Variants in SBNO1 observed in about 807,000 individuals in gnomAD.
The protein encoded by SBNO1 is protein strawberry notch homolog 1.
SBNO1 carries 23 observed loss-of-function variants against 173.6 expected under a neutral mutation model. That is an observed-to-expected ratio of 0.13 (90% confidence interval 0.10 to 0.19). The LOEUF (loss-of-function observed/expected upper bound fraction) is 0.19, where lower values mean the gene tolerates loss of function less well. Among genes scored for constraint, SBNO1 ranks in the 10% least tolerant of loss-of-function variants. The probability of loss-of-function intolerance (pLI) is 1.00; values close to 1 mark genes in which losing one functional copy is unlikely to be tolerated. For missense variants in SBNO1, 1,238 were observed against 1,671.2 expected (o/e 0.74, Z 4.52); for synonymous variants, 632 against 571.5 (o/e 1.11, Z -1.51).
chr12:123,331,464 T>TTGATGC, intron 7 of SBNO1, 89 bp from the exon 8 acceptor site: 1 of 1,238,212 alleles, frequency 8.1e-7, no homozygotes, highest in Admixed American at 2.3e-5. Context: ...TAGGAATATG[T>TTGATGC]TATGTTTTTT....
intron 7 of SBNO1, among the ~76,000 whole-genome samples, 166 bp downstream of exon 7, chr12:123,333,887 G>GT (rs776120714): frequency 3.9e-5 from 6 of 152,026 alleles, no homozygotes; most frequent in Non-Finnish European, 8.8e-5. Flanking sequence ...TGCACTATCT[G>GT]TATCTCTGCT....
chr12:123,334,098 G>T lies in SBNO1; in HGVS notation c.864C>A (p.Gly288=). ...CCTCAAGCTGCAATGCTGATAACCA[G>T]CCATTATCAATGGTTTCCTCAGAAA... The part of the protein sequence containing the change: ...TSISEETIDN[G]WLSALQLEAI... The change falls in exon 7 of 32, where the codon GGC becomes GGA. Residue 288 remains glycine, a synonymous_variant. Coordinates refer to ENST00000602398, the MANE Select transcript of SBNO1 (RefSeq NM_001167856.3). 4.4e-6 allele frequency: 7 copies of T among 1,603,138 alleles called. No individual in the cohort carries two copies. The highest frequency in any genetic ancestry group is 6.0e-6 in the Non-Finnish European group (7 of 1,175,496).
intron 28 of SBNO1, among the ~76,000 whole-genome samples, chr12:123,306,948 C>T (rs887966780): frequency 2.1e-5 from 3 of 145,476 alleles, no homozygotes; most frequent in Non-Finnish European, 4.5e-5. Context: ...TTTGGGAGGC[C>T]GAGGTGGGAG....
In SBNO1 at chr12:123,309,385, T is replaced by A. The variant is rs1350443759; in HGVS notation, c.3555A>T (p.Gly1185=). 2.5e-6 allele frequency: 4 copies of A among 1,613,864 alleles called. No homozygotes were observed. Among genetic ancestry groups the A allele is most frequent in the Non-Finnish European group, 3.4e-6 (4 of 1,179,872 alleles). The change falls in exon 28 of 32, where the codon GGA becomes GGT. Residue 1185 remains glycine, a synonymous_variant. Transcript: ENST00000602398. ...VELYTISVER[G]MSWEEATKIW... is the part of the protein sequence containing the mutation. The stretch of plus-strand genomic sequence containing the variant: ...TCTTGGTAGCTTCCTCCCATGACAT[T>A]CCCCTCTCTACACTAATCTGTAAGA...
intron 4 of SBNO1, among the ~76,000 whole-genome samples, chr12:123,342,042 G>A (rs1255176690): frequency 2.7e-5 from 4 of 150,224 alleles, no homozygotes; most frequent in Non-Finnish European, 5.9e-5. Context: ...AGTGGCTCAC[G>A]CCTGTAATCC....
In SBNO1 at chr12:123,327,510, C is replaced by T; in HGVS notation, c.1608G>A (p.Leu536=). Residue 536 remains leucine, a synonymous_variant, in exon 13 of 32, where the codon CTG becomes CTA. Coordinates refer to ENST00000602398, the MANE Select transcript of SBNO1 (RefSeq NM_001167856.3). The part of the protein sequence containing the change: ...KLRGMYIARQ[L]SFTGVTFKIE... ...TTTTGAAGGTCACTCCAGTAAAGCT[C>T]AGTTGTCGAGCAATGTACATTCCTC... 6.2e-7 allele frequency: 1 copy of T among 1,613,866 alleles called. No homozygotes were observed. The highest frequency in any genetic ancestry group is 8.5e-7 in the Non-Finnish European group (1 of 1,179,800).
chr12:123,330,576 T>A (rs1160075146), intron 8 of SBNO1, 67 bp from the exon 9 acceptor site: 8 of 895,956 alleles, frequency 8.9e-6, no homozygotes, highest in African/African-American at 1.8e-5. Flanking sequence ...GGAATAAAAT[T>A]AATAAAGCCA....
chr12:123,310,746 G>A (rs910440812), intron 25 of SBNO1, among the ~76,000 whole-genome samples: 1 of 151,314 alleles, frequency 6.6e-6, no homozygotes, highest in Non-Finnish European at 1.5e-5. Flanking sequence ...TATTGGCCAG[G>A]CTGGTTGCAA....
At position 123,348,147 on chromosome 12, in the gene SBNO1, A is replaced by T; in HGVS notation, c.133-14T>A. Reference sequence around the variant, plus strand: ...AAGTGGCACTGACTGGAGAGAAAACAACATCAGACAAAAAATAAAAGGACA... The same window carrying T: ...AAGTGGCACTGACTGGAGAGAAAACTACATCAGACAAAAAATAAAAGGACA... On this transcript the variant is annotated splice_polypyrimidine_tract_variant and intron_variant, in intron 2 of 31. Coordinates refer to ENST00000602398, the MANE Select transcript of SBNO1 (RefSeq NM_001167856.3). 7.3e-7 allele frequency: 1 copy of T among 1,370,666 alleles called. No individual in the cohort carries two copies. Among genetic ancestry groups the T allele is most frequent in the South Asian group, 1.2e-5 (1 of 82,618 alleles). The allele number at this position is 1,370,666 out of a possible 1,614,324, so 84.9% of individuals were successfully genotyped here.
chr12:123,344,512 T>C (rs1872894110), intron 4 of SBNO1, among the ~76,000 whole-genome samples: 1 of 152,180 alleles, frequency 6.6e-6, no homozygotes, highest in East Asian at 1.9e-4. Flanking sequence ...TAAACACTTA[T>C]CGCCCATTCT....
At chr12:123,357,443 C>G (rs756414966) in intron 1 of SBNO1, among the ~76,000 whole-genome samples, 9 of 151,186 alleles carry the variant, frequency 6.0e-5, no homozygotes, top group South Asian at 2.1e-4. Flanking sequence ...AGTGGGACTC[C>G]GTCTCAAAAC....
chr12:123,333,358 C>T (rs1030353278), intron 7 of SBNO1, among the ~76,000 whole-genome samples: 4 of 152,144 alleles, frequency 2.6e-5, no homozygotes, highest in Non-Finnish European at 5.9e-5. Context: ...TATGCAATTA[C>T]CCCCCAATAA....
At chr12:123,352,326 A>G (rs1156670483) in intron 1 of SBNO1, among the ~76,000 whole-genome samples, 1 of 152,236 alleles carries the variant, frequency 6.6e-6, no homozygotes, top group Non-Finnish European at 1.5e-5. Context: ...TACGATCAGC[A>G]TGACTACGCA....
Position 123,332,378 on chromosome 12 carries a change from G to A in SBNO1, c.910-1003C>T, listed in dbSNP as rs567035087. Reference sequence around the variant, plus strand: ...ACAATCTCGGCTCACCGCAACCTCCGCCTCCTGAGTTCAAGTGATTCTCCT... The same window carrying A: ...ACAATCTCGGCTCACCGCAACCTCCACCTCCTGAGTTCAAGTGATTCTCCT... On this transcript the variant is annotated intron_variant, in intron 7 of 31. Coordinates refer to ENST00000602398, the MANE Select transcript of SBNO1 (RefSeq NM_001167856.3). Among the ~76,000 whole-genome samples the A allele has an allele frequency of 3.0e-3, 448 of 150,772 alleles. 2 individuals carry two copies. The highest frequency in any genetic ancestry group is 0.01 in the African/African-American group (429 of 41,068).
In SBNO1 at chr12:123,292,973, C is replaced by G. The variant is rs982796715; in HGVS notation, c.*2935G>C. On this transcript the variant is annotated 3_prime_UTR_variant, in exon 32 of 32. Transcript: ENST00000602398. ...TATGGAGGTTGCTAAATGAGGGGAA[C>G]ACTAATTCCCCCAGAGATAACATCT... is the stretch of plus-strand genomic sequence containing the variant. 1.3e-5 allele frequency: 2 copies of G among 152,186 alleles called. No homozygotes were observed. Among genetic ancestry groups the G allele is most frequent in the African/African-American group, 2.4e-5 (1 of 41,438 alleles). The allele number at this position is 152,186 out of a possible 1,614,324, so 9.4% of individuals were successfully genotyped here.
At chr12:123,319,305 G>T (rs1405707894) in intron 20 of SBNO1, among the ~76,000 whole-genome samples, 1 of 151,828 alleles carries the variant, frequency 6.6e-6, no homozygotes, top group Non-Finnish European at 1.5e-5. Context: ...TATTTCAAAA[G>T]CCTCCAAAGC....
At chr12:123,330,363 T>A in intron 9 of SBNO1, 56 bp downstream of exon 9, 1 of 1,020,262 alleles carries the variant, frequency 9.8e-7, no homozygotes, top group Non-Finnish European at 1.5e-6. Context: ...ATTATTGTCA[T>A]CTCACAGATG....
intron 30 of SBNO1, among the ~76,000 whole-genome samples, chr12:123,299,570 A>T (rs2048713885): frequency 6.8e-6 from 1 of 147,162 alleles, no homozygotes; most frequent in African/African-American, 2.5e-5. Context: ...AGTCCCAGCT[A>T]CTCGGGAGGC....
chr12:123,322,658 C>G (rs987967319), intron 16 of SBNO1, among the ~76,000 whole-genome samples: 1 of 151,854 alleles, frequency 6.6e-6, no homozygotes, highest in Non-Finnish European at 1.5e-5. Flanking sequence ...GTAATCCCAG[C>G]ACTTTGGGAG....
Sources: allele counts gnomAD v4.1 joint callset (sites outside exome capture counted in the v4.1 genomes callset), GRCh38; gene constraint gnomAD v4.1.1; transcripts MANE v1.5; gene names NCBI Gene and HGNC (gene_info 2026-07-23, HGNC 2026-07-21).